ULK4: variants seen among roughly 807,000 people sequenced by gnomAD.
The protein encoded by ULK4 is inactive serine/threonine-protein kinase ULK4.
ULK4 carries 133 observed loss-of-function variants against 160.6 expected under a neutral mutation model. The ratio of observed to expected loss-of-function variants is 0.83; its 90% CI spans 0.72 to 0.96. The LOEUF (loss-of-function observed/expected upper bound fraction) is 0.96, where lower values mean the gene tolerates loss of function less well. Among genes scored for constraint, ULK4 ranks in the 40% least tolerant of loss-of-function variants. The probability of loss-of-function intolerance (pLI) is 0.00; values close to 1 mark genes in which losing one functional copy is unlikely to be tolerated. For synonymous variants in ULK4, 534 were observed against 539.8 expected (o/e 0.99, Z 0.15); for missense variants, 1,580 against 1,499.5 (o/e 1.05, Z -0.89).
At chr3:41,859,396 T>A (rs2042444699) in intron 17 of ULK4, 1 of 566,200 alleles carries the variant, frequency 1.8e-6, no homozygotes. Context: ...ATTTGTCAAC[T>A]GTGGTCCAAA....
chr3:41,590,634 T>TCAAA lies in ULK4; in HGVS notation c.3121-24508_3121-24505dup, dbSNP rs574698519. ...CTGGGCAACAGAGAGGGACTCTGTCTCAAACAAACAAACAAACAAAAAAAC... is the reference window on the plus strand; with the variant it reads ...CTGGGCAACAGAGAGGGACTCTGTCTCAAACAAACAAACAAACAAACAAAAAAAC... On this transcript the variant is annotated intron_variant, in intron 31 of 36. Coordinates refer to ENST00000301831, the MANE Select transcript of ULK4 (RefSeq NM_017886.4). 4.3e-4 allele frequency among the ~76,000 whole-genome samples: 65 copies of TCAAA among 151,348 alleles called. No homozygotes were observed. The East Asian group carries it at 9.3e-3, about 22-fold the overall frequency.
intron 12 of ULK4, among the ~76,000 whole-genome samples, chr3:41,904,560 G>C (rs1211106044): frequency 6.6e-6 from 1 of 152,108 alleles, no homozygotes; most frequent in Admixed American, 6.5e-5. Flanking sequence ...TCTGCCAGAA[G>C]AGCTTCAACA....
intron 21 of ULK4, among the ~76,000 whole-genome samples, chr3:41,771,273 T>A (rs944068118): frequency 2.0e-5 from 3 of 152,210 alleles, no homozygotes; most frequent in Non-Finnish European, 4.4e-5. Context: ...CAAACCATTT[T>A]CAATGAGAGA....
chr3:41,747,317 C>T (rs1377942513), intron 22 of ULK4, among the ~76,000 whole-genome samples: 4 of 151,900 alleles, frequency 2.6e-5, no homozygotes, highest in African/African-American at 9.7e-5. Context: ...CCAGTGGAAG[C>T]TCCTTCACAT....
chr3:41,774,646 A>G lies in ULK4; in HGVS notation c.2193+15015T>C, dbSNP rs562738211. On this transcript the variant is annotated intron_variant, in intron 21 of 36. Coordinates refer to ENST00000301831, the MANE Select transcript of ULK4 (RefSeq NM_017886.4). ...GGTGGGACTGTAAACTAGTTCAACC[A>G]TTGTGGAAGTCAGTGTGGCGATTCC... Among the ~76,000 whole-genome samples, 21 of 150,070 alleles carry G rather than the reference A, an allele frequency of 1.4e-4. 2 individuals carry two copies. Among genetic ancestry groups the G allele is most frequent in the African/African-American group, 5.3e-4 (21 of 39,478 alleles).
intron 31 of ULK4, among the ~76,000 whole-genome samples, chr3:41,603,166 G>T (rs555158822): frequency 6.6e-6 from 1 of 152,102 alleles, no homozygotes; most frequent in African/African-American, 2.4e-5. Flanking sequence ...AAGAAAGCAG[G>T]TCTGGCTATA....
intron 30 of ULK4, among the ~76,000 whole-genome samples, chr3:41,626,528 GC>G (rs1344446932): frequency 1.4e-5 from 2 of 146,532 alleles, no homozygotes; most frequent in African/African-American, 5.2e-5. Flanking sequence ...AAAGTACATT[GC>G]TTTTTTTTTT....
At chr3:41,514,260 T>G (rs564966043) in intron 32 of ULK4, among the ~76,000 whole-genome samples, 5 of 152,288 alleles carry the variant, frequency 3.3e-5, no homozygotes, top group African/African-American at 1.2e-4. Flanking sequence ...ACAGCCTTTT[T>G]GGGGGGACAA....
In ULK4 at chr3:41,443,482, G is replaced by C. The variant is rs529327538; in HGVS notation, c.3492+12015C>G. On this transcript the variant is annotated intron_variant, in intron 34 of 36. Transcript: ENST00000301831. ...CTGACAGACTTTGAATAAGTGAAAT[G>C]ACTAGTCACTAATGGTGATGTGCAC... 5.9e-5 allele frequency among the ~76,000 whole-genome samples: 9 copies of C among 152,174 alleles called. No individual in the cohort carries two copies. In the South Asian group the frequency reaches 1.9e-3, roughly 31 times the overall value.
At chr3:41,460,397 G>T (rs1419306680) in intron 33 of ULK4, among the ~76,000 whole-genome samples, 1 of 152,188 alleles carries the variant, frequency 6.6e-6, no homozygotes, top group Non-Finnish European at 1.5e-5. Context: ...TCATTCTGCA[G>T]CATGTAATAC....
chr3:41,840,841 T>A (rs957350881), intron 17 of ULK4, among the ~76,000 whole-genome samples: 14 of 151,642 alleles, frequency 9.2e-5, no homozygotes, highest in Admixed American at 2.6e-4. Context: ...ACCCATTGTC[T>A]GGGATGTGGG....
chr3:41,730,019 A>G (rs536036764), intron 22 of ULK4, among the ~76,000 whole-genome samples: 40 of 152,346 alleles, frequency 2.6e-4, no homozygotes, highest in African/African-American at 9.6e-4. Flanking sequence ...ATACAAATAC[A>G]TGGATATTAA....
chr3:41,624,511 C>T (rs748941846), intron 30 of ULK4, among the ~76,000 whole-genome samples: 4 of 152,112 alleles, frequency 2.6e-5, no homozygotes, highest in African/African-American at 4.8e-5. Flanking sequence ...CTGCATGATG[C>T]GCACGCTGGC....
chr3:41,394,111 T>C (rs1467608867), intron 35 of ULK4, among the ~76,000 whole-genome samples: 1 of 152,128 alleles, frequency 6.6e-6, no homozygotes, highest in African/African-American at 2.4e-5. Flanking sequence ...GAACAACTTT[T>C]ACACGTCAGA....
At chr3:41,950,263 C>T (rs540916409) in intron 2 of ULK4, among the ~76,000 whole-genome samples, 27 of 151,812 alleles carry the variant, frequency 1.8e-4, no homozygotes, top group Admixed American at 9.2e-4. Flanking sequence ...ATTTTTGAGA[C>T]GGAGTCTCGC....
intron 35 of ULK4, among the ~76,000 whole-genome samples, chr3:41,306,726 A>G (rs1385650565): frequency 6.6e-6 from 1 of 152,018 alleles, no homozygotes; most frequent in Admixed American, 6.5e-5. Context: ...TGGGGAAAAG[A>G]TTGAGAAATC....
At chr3:41,717,267 A>G (rs2037300709) in intron 23 of ULK4, among the ~76,000 whole-genome samples, 1 of 152,066 alleles carries the variant, frequency 6.6e-6, no homozygotes, top group South Asian at 2.1e-4. Flanking sequence ...ATTTGTATAA[A>G]TAAAAGAAAA....
intron 21 of ULK4, among the ~76,000 whole-genome samples, chr3:41,757,255 G>A (rs1193506077): frequency 6.6e-6 from 1 of 152,106 alleles, no homozygotes. Flanking sequence ...AAGATAGGAG[G>A]CAAGTTTCAT....
At chr3:41,864,446 G>A (rs1039033251) in intron 17 of ULK4, among the ~76,000 whole-genome samples, 13 of 151,986 alleles carry the variant, frequency 8.6e-5, no homozygotes, top group South Asian at 2.1e-4. Context: ...AGTGCTCACC[G>A]GATTTTTGGT....
Sources: gnomAD v4.1 joint callset for allele counts (sites outside exome capture counted in the v4.1 genomes callset) on GRCh38, gnomAD v4.1.1 for gene constraint, MANE v1.5 for transcripts, NCBI Gene and HGNC (gene_info 2026-07-23, HGNC 2026-07-21) for gene names.